The following PIK3CB variants were observed in gnomAD, a reference collection of about 807,000 sequenced individuals.
The protein encoded by PIK3CB is phosphatidylinositol-4,5-bisphosphate 3-kinase catalytic subunit beta, also known as phosphatidylinositol 4,5-bisphosphate 3-kinase catalytic subunit beta isoform.
A neutral mutation model predicts 136.8 loss-of-function variants in PIK3CB; 39 were observed. The observed-to-expected ratio is 0.29, with a 90% CI of 0.22 to 0.37. PIK3CB has a LOEUF of 0.37. PIK3CB is among the 10% of genes least tolerant of loss of function. PIK3CB has a pLI of 1.00. For synonymous variants in PIK3CB, 428 were observed against 436.6 expected (o/e 0.98, Z 0.25); for missense variants, 868 against 1,275.4 (o/e 0.68, Z 4.87).
intron 9 of PIK3CB, among the ~76,000 whole-genome samples, chr3:138,713,738 C>A (rs2044553076): frequency 6.6e-6 from 1 of 151,948 alleles, no homozygotes; most frequent in African/African-American, 2.4e-5. Flanking sequence ...ATTTTAAAAA[C>A]ATATAAAATT....
chr3:138,785,640 C>T (rs2045973692), intron 2 of PIK3CB, among the ~76,000 whole-genome samples: 1 of 151,962 alleles, frequency 6.6e-6, no homozygotes, highest in Admixed American at 6.6e-5. Flanking sequence ...AGAGTCATCA[C>T]CACTCCCTAA....
intron 7 of PIK3CB, among the ~76,000 whole-genome samples, chr3:138,734,048 T>C (rs1042022434): frequency 6.6e-6 from 1 of 152,168 alleles, no homozygotes; most frequent in Non-Finnish European, 1.5e-5. Context: ...TATATTAATA[T>C]AGAAATAACA....
At chr3:138,764,913 G>A (rs1412445362) in intron 2 of PIK3CB, among the ~76,000 whole-genome samples, 1 of 152,172 alleles carries the variant, frequency 6.6e-6, no homozygotes, top group African/African-American at 2.4e-5. Context: ...AGCTCACTGT[G>A]TACTCATCTC....
chr3:138,673,610 G>A (rs948288678), intron 19 of PIK3CB, among the ~76,000 whole-genome samples: 1 of 152,070 alleles, frequency 6.6e-6, no homozygotes, highest in Admixed American at 6.5e-5. Context: ...GACAAAAATT[G>A]TTGAAATCAA....
At chr3:138,695,421 G>A (rs1449653720) in intron 13 of PIK3CB, among the ~76,000 whole-genome samples, 1 of 152,136 alleles carries the variant, frequency 6.6e-6, no homozygotes, top group Non-Finnish European at 1.5e-5. Flanking sequence ...GCTATCTTGT[G>A]GATGTTAAGT....
At chr3:138,816,892 T>G (rs1933357273) in intron 1 of PIK3CB, among the ~76,000 whole-genome samples, 1 of 152,108 alleles carries the variant, frequency 6.6e-6, no homozygotes, top group Non-Finnish European at 1.5e-5. Context: ...TTCCTTATTT[T>G]CAGCACAACT....
intron 8 of PIK3CB, among the ~76,000 whole-genome samples, chr3:138,725,054 G>A (rs932694745): frequency 1.3e-4 from 20 of 152,092 alleles, no homozygotes; most frequent in African/African-American, 4.6e-4. Flanking sequence ...AAATTTACCT[G>A]TTGGGCAGTG....
At chr3:138,759,385 C>A in intron 2 of PIK3CB, 26 bp from the exon 3 acceptor site, 1 of 1,532,684 alleles carries the variant, frequency 6.5e-7, no homozygotes, top group Non-Finnish European at 8.9e-7. Flanking sequence ...TAAAACATAG[C>A]AAAACAACCA....
intron 5 of PIK3CB, among the ~76,000 whole-genome samples, chr3:138,741,101 G>C (rs2045234599): frequency 6.6e-6 from 1 of 152,126 alleles, no homozygotes; most frequent in Admixed American, 6.5e-5. Context: ...ACGTATCTCA[G>C]GACAGAATGA....
intron 6 of PIK3CB, among the ~76,000 whole-genome samples, chr3:138,735,628 G>C (rs1020914901): frequency 6.6e-6 from 1 of 152,040 alleles, no homozygotes; most frequent in East Asian, 1.9e-4. Context: ...GATCATCCCA[G>C]TTTGATGTTC....
intron 2 of PIK3CB, chr3:138,778,386 T>G: frequency 9.9e-6 from 3 of 301,794 alleles, no homozygotes; most frequent in South Asian, 8.3e-5. Flanking sequence ...AGAAGACCAC[T>G]GATGGCCCAT....
chr3:138,781,456 AT>A (rs60060720), intron 2 of PIK3CB, among the ~76,000 whole-genome samples: 4,182 of 144,476 alleles, frequency 0.029, 176 homozygotes, highest in African/African-American at 0.096. Flanking sequence ...CTCTACAGAA[AT>A]TTTTTTTTTT....
chr3:138,701,425 T>C (rs1432386973), intron 12 of PIK3CB, among the ~76,000 whole-genome samples: 1 of 152,068 alleles, frequency 6.6e-6, no homozygotes, highest in Non-Finnish European at 1.5e-5. Flanking sequence ...CTGACCTTCA[T>C]GAATCTACTC....
rs1017530552 is a variant in PIK3CB, at chr3:138,799,155, G to A, written c.-121-2588C>T. Among the ~76,000 whole-genome samples, 28 of 149,356 alleles carry A rather than the reference G, an allele frequency of 1.9e-4. No homozygotes were observed. In the Admixed American group the frequency reaches 1.9e-3, roughly 10 times the overall value. On this transcript the variant is annotated intron_variant, in intron 1 of 23. Transcript: ENST00000674063. Reference sequence around the variant, plus strand: ...TGCTGTTCCAACACCCTCCAAATCTGTCTCTCTGCTTCAAATCTTACTTTT... The same window carrying A: ...TGCTGTTCCAACACCCTCCAAATCTATCTCTCTGCTTCAAATCTTACTTTT...
chr3:138,684,162 G>A (rs966449781), intron 17 of PIK3CB, among the ~76,000 whole-genome samples: 16 of 152,248 alleles, frequency 1.1e-4, no homozygotes, highest in African/African-American at 3.9e-4. Flanking sequence ...CTTAACAAGG[G>A]ATTCATTTGA....
intron 1 of PIK3CB, among the ~76,000 whole-genome samples, chr3:138,802,714 A>G (rs2046191511): frequency 6.6e-6 from 1 of 152,146 alleles, no homozygotes; most frequent in Non-Finnish European, 1.5e-5. Context: ...TCTATCTATC[A>G]TTTGTATTTA....
chr3:138,661,862 T>C (rs955387813), intron 21 of PIK3CB, among the ~76,000 whole-genome samples: 2 of 152,184 alleles, frequency 1.3e-5, no homozygotes, highest in African/African-American at 4.8e-5. Context: ...TGAAAAATTA[T>C]CTAAGATATC....
chr3:138,749,340 A>T (rs1302868900), intron 4 of PIK3CB, among the ~76,000 whole-genome samples: 1 of 152,162 alleles, frequency 6.6e-6, no homozygotes. Context: ...CATTAACCTA[A>T]TCCTGGCCAT....
At chr3:138,780,205 C>G (rs1425056640) in intron 2 of PIK3CB, among the ~76,000 whole-genome samples, 2 of 152,036 alleles carry the variant, frequency 1.3e-5, no homozygotes, top group Non-Finnish European at 2.9e-5. Flanking sequence ...AGTGATCCAC[C>G]CACCTTGGCT....
Sources: allele counts gnomAD v4.1 joint callset (sites outside exome capture counted in the v4.1 genomes callset), GRCh38; gene constraint gnomAD v4.1.1; transcripts MANE v1.5; gene names NCBI Gene and HGNC (gene_info 2026-07-23, HGNC 2026-07-21).